SGCZ: variants seen among roughly 807,000 people sequenced by gnomAD.
The protein encoded by SGCZ is sarcoglycan zeta.
Under a neutral mutation model 41.3 loss-of-function variants are expected in SGCZ, and 40 were observed. That is an observed-to-expected ratio of 0.97 (90% CI 0.75 to 1.26). The LOEUF (loss-of-function observed/expected upper bound fraction) is 1.26. SGCZ is among the 50% of genes most tolerant of loss of function. SGCZ has a pLI of 0.00. For missense variants in SGCZ, 552 were observed against 369.8 expected (o/e 1.49, Z -4.04); for synonymous variants, 206 against 137.5 (o/e 1.50, Z -3.49).
intron 1 of SGCZ, among the ~76,000 whole-genome samples, chr8:14,741,973 A>G (rs2130282140): frequency 6.6e-6 from 1 of 152,196 alleles, no homozygotes; most frequent in East Asian, 1.9e-4. Flanking sequence ...CCGTCTGTTT[A>G]GTCCTCCATA....
chr8:14,939,282 G>A (rs1314815934), intron 1 of SGCZ, among the ~76,000 whole-genome samples: 3 of 152,124 alleles, frequency 2.0e-5, no homozygotes, highest in Non-Finnish European at 2.9e-5. Context: ...AAGACACTCT[G>A]TGTCTCCATT....
rs539874429 is a variant in SGCZ, at chr8:14,476,027, G to C, written c.234+78705C>G. On this transcript the variant is annotated intron_variant, in intron 2 of 7. Transcript: ENST00000382080. ...TCACTATGTTGCCCTGGTTGATCTT[G>C]GCTCCTGGCCTCAAGCAAATCTTCT... Among the ~76,000 whole-genome samples, 4 of 151,436 alleles carry C rather than the reference G, an allele frequency of 2.6e-5. No individual in the cohort carries two copies. In the East Asian group the frequency reaches 5.8e-4, roughly 22 times the overall value.
chr8:14,435,528 G>T (rs1800065794), intron 2 of SGCZ, among the ~76,000 whole-genome samples: 1 of 152,026 alleles, frequency 6.6e-6, no homozygotes, highest in African/African-American at 2.4e-5. Flanking sequence ...GTTAAAGTGA[G>T]ATCAATGGAA....
intron 3 of SGCZ, among the ~76,000 whole-genome samples, chr8:14,249,113 T>A (rs545784610): frequency 2.6e-4 from 39 of 152,254 alleles, no homozygotes; most frequent in Non-Finnish European, 4.3e-4. Context: ...AACATTTGAA[T>A]CAGTAGTCCC....
chr8:15,087,058 T>G (rs971270109), intron 1 of SGCZ, among the ~76,000 whole-genome samples: 1 of 152,120 alleles, frequency 6.6e-6, no homozygotes, highest in Non-Finnish European at 1.5e-5. Context: ...GTCCTAAGCT[T>G]TCTGCCATGA....
intron 1 of SGCZ, among the ~76,000 whole-genome samples, chr8:14,577,380 A>C (rs1350873347): frequency 6.8e-6 from 1 of 146,818 alleles, no homozygotes; most frequent in African/African-American, 2.6e-5. Flanking sequence ...GAAAAGAAAT[A>C]TATCTTTTTT....
intron 5 of SGCZ, among the ~76,000 whole-genome samples, chr8:14,111,620 C>G (rs1802374274): frequency 6.6e-6 from 1 of 152,166 alleles, no homozygotes; most frequent in Admixed American, 6.6e-5. Context: ...AAGGATGTTT[C>G]AGATAATTTA....
chr8:15,078,259 A>G (rs1308502608), intron 1 of SGCZ, among the ~76,000 whole-genome samples: 3 of 142,326 alleles, frequency 2.1e-5, no homozygotes, highest in African/African-American at 8.0e-5. Flanking sequence ...CCCAGATTTC[A>G]GCGAACTAAG....
chr8:14,873,781 T>G (rs1420300209), intron 1 of SGCZ, among the ~76,000 whole-genome samples: 1 of 152,134 alleles, frequency 6.6e-6, no homozygotes. Flanking sequence ...CATTTTACTT[T>G]TAAAAAACCT....
chr8:14,840,333 G>A (rs528925302), intron 1 of SGCZ, among the ~76,000 whole-genome samples: 2 of 152,204 alleles, frequency 1.3e-5, no homozygotes, highest in East Asian at 3.9e-4. Flanking sequence ...AGATTATAGT[G>A]TGGTTTCAAA....
chr8:14,168,148 G>A (rs924249123), intron 4 of SGCZ, among the ~76,000 whole-genome samples: 1 of 152,026 alleles, frequency 6.6e-6, no homozygotes, highest in Non-Finnish European at 1.5e-5. Context: ...AGGCCTTGAA[G>A]AATAGTATTA....
chr8:14,628,566 C>G (rs1291732868), intron 1 of SGCZ, among the ~76,000 whole-genome samples: 1 of 152,048 alleles, frequency 6.6e-6, no homozygotes, highest in Admixed American at 6.6e-5. Context: ...CAATAGGTTC[C>G]ATGGATTGAA....
At chr8:14,246,766 C>T (rs1333440659) in intron 3 of SGCZ, among the ~76,000 whole-genome samples, 1 of 151,252 alleles carries the variant, frequency 6.6e-6, no homozygotes. Context: ...AGAAATTAGC[C>T]AGTCATAGTG....
At position 15,187,620 on chromosome 8, in the gene SGCZ, T is replaced by A. The variant is rs188423308; in HGVS notation, c.39+49965A>T. Among the ~76,000 whole-genome samples the A allele has an allele frequency of 2.3e-3, 348 of 152,146 alleles. 1 individual carries two copies. The highest frequency in any genetic ancestry group is 7.8e-3 in the African/African-American group (323 of 41,560). On this transcript the variant is annotated intron_variant, in intron 1 of 7. Transcript: ENST00000382080. ...TCACATAAAGAACTTTTTATTATAA[T>A]AATAACTTTTAGGCACATTTCTCCT...
At chr8:14,588,797 A>C (rs547904222) in intron 1 of SGCZ, among the ~76,000 whole-genome samples, 12 of 152,270 alleles carry the variant, frequency 7.9e-5, no homozygotes, top group African/African-American at 2.9e-4. Flanking sequence ...TAACATGAAA[A>C]TGTAAATTAT....
chr8:15,027,184 G>C (rs1392072557), intron 1 of SGCZ, among the ~76,000 whole-genome samples: 2 of 152,034 alleles, frequency 1.3e-5, no homozygotes, highest in Admixed American at 6.6e-5. Context: ...ATGAGTTTTT[G>C]ACCCACCTCT....
intron 2 of SGCZ, among the ~76,000 whole-genome samples, chr8:14,423,375 T>C (rs912452273): frequency 6.6e-6 from 1 of 152,166 alleles, no homozygotes; most frequent in Non-Finnish European, 1.5e-5. Context: ...ATCTTATCCA[T>C]TAAAAAATAA....
chr8:14,669,515 C>A (rs991594164), intron 1 of SGCZ, among the ~76,000 whole-genome samples: 1 of 152,116 alleles, frequency 6.6e-6, no homozygotes, highest in African/African-American at 2.4e-5. Context: ...CACCCTTCTA[C>A]TCTCTATTTC....
At chr8:14,484,378 A>G (rs1585576906) in intron 2 of SGCZ, among the ~76,000 whole-genome samples, 1 of 152,170 alleles carries the variant, frequency 6.6e-6, no homozygotes. Flanking sequence ...CAAGTCATAT[A>G]CCATTGTTTT....
Sources: allele counts gnomAD v4.1 joint callset (sites outside exome capture counted in the v4.1 genomes callset), GRCh38; gene constraint gnomAD v4.1.1; transcripts MANE v1.5; gene names NCBI Gene and HGNC (gene_info 2026-07-23, HGNC 2026-07-21).